Variants in NCAM1 observed in about 807,000 individuals in gnomAD.
The protein encoded by NCAM1 is antigen recognized by monoclonal antibody 5.1H11.
A neutral mutation model predicts 109.8 loss-of-function variants in NCAM1; 14 were observed. The ratio of observed to expected loss-of-function variants is 0.13; its 90% CI spans 0.08 to 0.20. NCAM1 has a LOEUF of 0.20. Ranked by LOEUF, NCAM1 falls within the 10% of genes least tolerant of loss-of-function variation. The pLI, the probability that NCAM1 is intolerant of heterozygous loss-of-function variation, is 1.00. For missense variants in NCAM1, 774 were observed against 1,109.9 expected, an observed-to-expected ratio of 0.70 and a Z score of 4.30; for synonymous variants, 418 against 442.9, an observed-to-expected ratio of 0.94 and a Z score of 0.70.
chr11:112,969,453 T>G (rs2134515756), intron 1 of NCAM1, among the ~76,000 whole-genome samples: 1 of 152,266 alleles, frequency 6.6e-6, no homozygotes, highest in South Asian at 2.1e-4. Context: ...TTCCTGTGGC[T>G]TCTGGACTGA....
At chr11:113,222,120 A>G (rs1231158059) in intron 9 of NCAM1, among the ~76,000 whole-genome samples, 1 of 152,204 alleles carries the variant, frequency 6.6e-6, no homozygotes, top group Non-Finnish European at 1.5e-5. Context: ...ATATAGTGAA[A>G]ATGAAACCAG....
intron 9 of NCAM1, among the ~76,000 whole-genome samples, chr11:113,223,967 C>T (rs1286628484): frequency 6.6e-5 from 10 of 152,258 alleles, no homozygotes; most frequent in Admixed American, 5.9e-4. Context: ...CCAAGATGGC[C>T]GAATAAGAAC....
At chr11:113,040,293 C>T (rs1370509012) in intron 1 of NCAM1, among the ~76,000 whole-genome samples, 5 of 152,020 alleles carry the variant, frequency 3.3e-5, no homozygotes, top group East Asian at 1.9e-4. Context: ...GTACCCTGGT[C>T]GCAAATGCAT....
chr11:113,001,691 T>C (rs1555072467), intron 1 of NCAM1, among the ~76,000 whole-genome samples: 2 of 152,188 alleles, frequency 1.3e-5, no homozygotes, highest in Non-Finnish European at 2.9e-5. Flanking sequence ...GGCCGAAGGC[T>C]GGTGTGGTGC....
intron 1 of NCAM1, among the ~76,000 whole-genome samples, chr11:113,144,624 G>A (rs1475236981): frequency 6.6e-6 from 1 of 152,172 alleles, no homozygotes; most frequent in Non-Finnish European, 1.5e-5. Context: ...CATTACCCAA[G>A]GCAATGTTAT....
At chr11:113,236,765 AT>A (rs1246439743) in intron 14 of NCAM1, among the ~76,000 whole-genome samples, 1 of 152,200 alleles carries the variant, frequency 6.6e-6, no homozygotes, top group Non-Finnish European at 1.5e-5. Context: ...AAGGATTTTC[AT>A]ATTTGCTTTT....
chr11:113,075,129 C>G (rs1555085898), intron 1 of NCAM1, among the ~76,000 whole-genome samples: 1 of 152,054 alleles, frequency 6.6e-6, no homozygotes, highest in African/African-American at 2.4e-5. Flanking sequence ...TGCAGTGGCA[C>G]AATCATGGCT....
intron 1 of NCAM1, among the ~76,000 whole-genome samples, chr11:112,976,424 G>A (rs2134611019): frequency 6.6e-6 from 1 of 151,874 alleles, no homozygotes; most frequent in East Asian, 1.9e-4. Context: ...AATGTACAAA[G>A]GAGGAGAACT....
At chr11:113,200,799 C>T (rs567575348) in intron 1 of NCAM1, among the ~76,000 whole-genome samples, 2 of 152,302 alleles carry the variant, frequency 1.3e-5, no homozygotes, top group South Asian at 4.1e-4. Context: ...TCCAGCACAG[C>T]TCTGTGTGCT....
chr11:113,270,655 T>C, intron 18 of NCAM1: 1 of 511,090 alleles, frequency 2.0e-6, no homozygotes, highest in Non-Finnish European at 3.5e-6. Context: ...AAAATCCCTG[T>C]GTAGGTCAAA....
At position 113,276,844 on chromosome 11, in the gene NCAM1, A is replaced by G. The variant is rs1420061673; in HGVS notation, c.*1457A>G. 4.0e-5 allele frequency: 6 copies of G among 151,002 alleles called. No individual in the cohort carries two copies. Among genetic ancestry groups the G allele is most frequent in the African/African-American group, 1.5e-4 (6 of 40,704 alleles). The allele number at this position is 151,002 out of a possible 1,614,324, so 9.4% of individuals were successfully genotyped here. ...CTTTAAGGGGGATGGGAGGGGGGGG[A>G]GAAGGGAAAAGCCAGCCCTTTGTAT... On this transcript the variant is annotated 3_prime_UTR_variant, in exon 20 of 20. Transcript: ENST00000316851.
rs149720345 is a variant in NCAM1, at chr11:113,027,588, A to G, written c.52+65924A>G. Among the ~76,000 whole-genome samples the G allele has an allele frequency of 1.7e-3, 260 of 152,094 alleles. 1 individual carries two copies. Among genetic ancestry groups the G allele is most frequent in the Non-Finnish European group, 3.3e-3 (221 of 67,960 alleles). Reference sequence around the variant, plus strand: ...GATAAATTGTTGGTGTAGATAAGTCATTGGCATGAAAGTTGATCTCAAACA... The same window carrying G: ...GATAAATTGTTGGTGTAGATAAGTCGTTGGCATGAAAGTTGATCTCAAACA... On this transcript the variant is annotated intron_variant, in intron 1 of 19. Coordinates refer to ENST00000316851, the MANE Select transcript of NCAM1 (RefSeq NM_181351.5).
chr11:113,138,337 C>A (rs532004189), intron 1 of NCAM1, among the ~76,000 whole-genome samples: 89 of 152,290 alleles, frequency 5.8e-4, no homozygotes, highest in Non-Finnish European at 1.1e-3. Flanking sequence ...ATTTCCTATT[C>A]TTTCTGGTTA....
chr11:113,258,383 G>T (rs1194926836), intron 16 of NCAM1, among the ~76,000 whole-genome samples: 1 of 152,144 alleles, frequency 6.6e-6, no homozygotes, highest in Admixed American at 6.5e-5. Context: ...TAGTCCCGAG[G>T]TACCTCCATC....
At chr11:113,103,408 G>A (rs1421691756) in intron 1 of NCAM1, among the ~76,000 whole-genome samples, 3 of 152,200 alleles carry the variant, frequency 2.0e-5, no homozygotes, top group Non-Finnish European at 4.4e-5. Flanking sequence ...GGCAGCTAAT[G>A]TGTCCTTGTG....
chr11:113,263,856 A>T, intron 17 of NCAM1: 1 of 985,552 alleles, frequency 1.0e-6, no homozygotes, highest in Non-Finnish European at 1.2e-6. Flanking sequence ...GGAGAGGGAC[A>T]GGCCACTCCC....
chr11:113,063,362 C>CA, intron 1 of NCAM1, among the ~76,000 whole-genome samples: 1 of 152,236 alleles, frequency 6.6e-6, no homozygotes, highest in South Asian at 2.1e-4. Context: ...ACTCTGCTCT[C>CA]TGCCACTGCC....
rs368235486 is a variant in NCAM1, at chr11:113,260,117, G to T, written c.1954-29G>T. 10 of 1,588,952 alleles carry T rather than the reference G, an allele frequency of 6.3e-6. No individual in the cohort carries two copies. The Admixed American group carries it at 7.3e-5, about 12-fold the overall frequency. On this transcript the variant is annotated intron_variant, in intron 16 of 19. Coordinates refer to ENST00000316851, the MANE Select transcript of NCAM1 (RefSeq NM_181351.5). ...TTATCTAAAGCTTTTTTGGTCTCTTGTATCCTTCTTGCCGGTTTCTCCCAG... is the reference window on the plus strand; with the variant it reads ...TTATCTAAAGCTTTTTTGGTCTCTTTTATCCTTCTTGCCGGTTTCTCCCAG...
At chr11:113,067,002 TC>T (rs1937995288) in intron 1 of NCAM1, among the ~76,000 whole-genome samples, 1 of 21,344 alleles carries the variant, frequency 4.7e-5, no homozygotes, top group Non-Finnish European at 8.0e-5. Flanking sequence ...AGAACCCCTC[TC>T]AAAAAAAAAA....
Sources: gnomAD v4.1 joint callset for allele counts (sites outside exome capture counted in the v4.1 genomes callset) on GRCh38, gnomAD v4.1.1 for gene constraint, MANE v1.5 for transcripts, NCBI Gene and HGNC (gene_info 2026-07-23, HGNC 2026-07-21) for gene names.